TPRKB: variants seen among roughly 807,000 people sequenced by gnomAD.
The protein encoded by TPRKB is TP53RK binding protein.
Under a neutral mutation model 17.8 loss-of-function variants are expected in TPRKB, and 11 were observed. The ratio of observed to expected loss-of-function variants is 0.62; its 90% CI spans 0.39 to 1.02. The LOEUF is 1.02. Among genes scored for constraint, TPRKB ranks in the 50% least tolerant of loss-of-function variants. The pLI, the probability that TPRKB is intolerant of heterozygous loss-of-function variation, is 0.00. For synonymous variants in TPRKB, 71 were observed against 69.5 expected, an observed-to-expected ratio of 1.02 and a Z score of -0.11; for missense variants, 228 against 198.0, an observed-to-expected ratio of 1.15 and a Z score of -0.91.
Position 73,735,283 on chromosome 2 carries a change from G to C in TPRKB, c.-22-692C>G, listed in dbSNP as rs541042856. 4.6e-5 allele frequency among the ~76,000 whole-genome samples: 7 copies of C among 151,656 alleles called. No individual in the cohort carries two copies. In the South Asian group the frequency reaches 1.5e-3, roughly 32 times the overall value. On this transcript the variant is annotated intron_variant, in intron 1 of 4. Transcript: ENST00000272424. ...GGAGGCAGAGGTTGCAGTGAGCCGA[G>C]ATCATACCATTGCACCCCAGCCTGG...
chr2:73,731,463 C>G lies in TPRKB; in HGVS notation c.264+700G>C, dbSNP rs530396889. ...AAATTTTATTCCAGGTACTGGGAAT[C>G]TCTATTACCATGCTGAGATAACTGC... On this transcript the variant is annotated intron_variant, in intron 3 of 4. Transcript: ENST00000272424. Among the ~76,000 whole-genome samples, 24 of 152,304 alleles carry G rather than the reference C, an allele frequency of 1.6e-4. No homozygotes were observed. In the South Asian group the frequency reaches 4.8e-3, roughly 30 times the overall value.
chr2:73,734,439 T>A lies in TPRKB; in HGVS notation c.131A>T (p.Asn44Ile). The change falls in exon 2 of 5, where the codon AAT becomes ATT. Residue 44 changes from asparagine (N) to isoleucine (I), a missense_variant. Transcript: ENST00000272424. Reference protein sequence around the residue: ...MEGTIDGSLINPTVIVDPFQI... With the variant: ...MEGTIDGSLIIPTVIVDPFQI... The stretch of plus-strand genomic sequence containing the variant: ...AAAATTTATATTTACCACTGTAGGA[T>A]TTATCAGTGATCCATCGATGGTGCC... 6.2e-7 allele frequency: 1 copy of A among 1,612,420 alleles called. No homozygotes were observed. Among genetic ancestry groups the A allele is most frequent in the Non-Finnish European group, 8.5e-7 (1 of 1,179,542 alleles).
chr2:73,736,062 A>G (rs1451728018), intron 1 of TPRKB, among the ~76,000 whole-genome samples: 3 of 152,216 alleles, frequency 2.0e-5, no homozygotes, highest in Non-Finnish European at 2.9e-5. Flanking sequence ...GGGTTTTTTA[A>G]AAGGCTTTTA....
intron 2 of TPRKB, among the ~76,000 whole-genome samples, chr2:73,733,920 C>T (rs1369907915): frequency 1.4e-5 from 2 of 144,272 alleles, no homozygotes. Context: ...CAGGCTCAAG[C>T]GATTCTCCTG....
At chr2:73,735,754 T>C (rs548858719) in intron 1 of TPRKB, among the ~76,000 whole-genome samples, 81 of 152,366 alleles carry the variant, frequency 5.3e-4, no homozygotes, top group Non-Finnish European at 1.0e-3. Context: ...ATCAAATTCT[T>C]AATAAAATAT....
At chr2:73,734,022 G>T (rs1424791932) in intron 2 of TPRKB, among the ~76,000 whole-genome samples, 1 of 151,762 alleles carries the variant, frequency 6.6e-6, no homozygotes, top group African/African-American at 2.4e-5. Context: ...TGGCCAGGCT[G>T]GTCTCAAACT....
rs1245835138 is a variant in TPRKB, at chr2:73,730,649, T to G, written c.352A>C (p.Asn118His). 6.3e-7 allele frequency: 1 copy of G among 1,592,522 alleles called. No homozygotes were observed. The highest frequency in any genetic ancestry group is 1.8e-5 in the Admixed American group (1 of 55,034). The stretch of plus-strand genomic sequence containing the variant: ...ACTTGAGATATTAGGTATTCTTGAT[T>G]TATTTGTTTTTCTCCCTCTTCAATG... The part of the protein sequence containing the change: ...VYIEEGEKQI[N>H]QEYLISQVEG... Residue 118 changes from asparagine to histidine, a missense_variant, in exon 4 of 5, where the codon AAT (asparagine) becomes CAT (histidine). Transcript: ENST00000272424.
Position 73,734,543 on chromosome 2 carries a change from T to C in TPRKB, c.27A>G (p.Leu9=), listed in dbSNP as rs755067283. The stretch of plus-strand genomic sequence containing the variant: ...GAAGGGTTACCCTGCATTCGGGAAA[T>C]AGGTCCAGCTGATGTGTTAACTGCA... The part of the protein sequence containing the change: MQLTHQLD[L]FPECRVTLLL... Residue 9 remains leucine (L), a synonymous_variant, in exon 2 of 5, where the codon CTA becomes CTG. Coordinates refer to ENST00000272424, the MANE Select transcript of TPRKB (RefSeq NM_016058.5). 2 of 1,613,502 alleles carry C rather than the reference T, an allele frequency of 1.2e-6. No individual in the cohort carries two copies. The highest frequency in any genetic ancestry group is 1.7e-5 in the Admixed American group (1 of 59,840).
rs1481046248 is a variant in TPRKB at position 73,730,662 on chromosome 2, T to C, written c.339A>G (p.Gly113=). 1 of 1,590,522 alleles carries C rather than the reference T, an allele frequency of 6.3e-7. No individual in the cohort carries two copies. The highest frequency in any genetic ancestry group is 1.8e-5 in the Admixed American group (1 of 54,668). ...TSILIVYIEE[G]EKQINQEYLI... ...GGTATTCTTGATTTATTTGTTTTTC[T>C]CCCTCTTCAATGTAAACAATTAGAA... Residue 113 remains glycine, a synonymous_variant, in exon 4 of 5, where the codon GGA becomes GGG. Transcript: ENST00000272424.
At chr2:73,732,402 C>A in intron 2 of TPRKB, 117 bp from the exon 3 acceptor site, 1 of 1,182,356 alleles carries the variant, frequency 8.5e-7, no homozygotes, top group South Asian at 1.6e-5. Flanking sequence ...ACAATTCTTA[C>A]GGTCTGTATT....
intron 1 of TPRKB, among the ~76,000 whole-genome samples, chr2:73,736,991 C>T (rs1671915099): frequency 1.3e-5 from 2 of 152,200 alleles, no homozygotes; most frequent in Admixed American, 6.5e-5. Flanking sequence ...CTCCCTTCAA[C>T]TCCATTTGGA....
chr2:73,732,985 T>C (rs17009373), intron 2 of TPRKB, among the ~76,000 whole-genome samples: 3,033 of 152,282 alleles, frequency 0.02, 99 homozygotes, highest in African/African-American at 0.068. Context: ...AAAGAATGTC[T>C]GGGTTTGAAT....
Position 73,732,203 on chromosome 2 carries a change from A to G in TPRKB, c.224T>C (p.Leu75Pro), listed in dbSNP as rs1224304793. The G allele has an allele frequency of 1.2e-6, 2 of 1,613,902 alleles. No homozygotes were observed. The highest frequency in any genetic ancestry group is 1.7e-6 in the Non-Finnish European group (2 of 1,179,850). Reference protein sequence around the residue: ...YKLGKMKTRTLSTEIIFNLSP... With the variant: ...YKLGKMKTRTPSTEIIFNLSP... ...AAGGTTGAAAATAATTTCAGTAGAT[A>G]GAGTTCTTGTCTTCATTTTTCCCAG... The change falls in exon 3 of 5, where the codon CTA (leucine) becomes CCA (proline). Residue 75 changes from leucine to proline, a missense_variant. Transcript: ENST00000272424.
rs754393608 is a variant in TPRKB, at chr2:73,732,260, A to C, written c.167T>G (p.Val56Gly). 9.9e-6 allele frequency: 16 copies of C among 1,613,926 alleles called. No homozygotes were observed. In the South Asian group the frequency reaches 1.8e-4, roughly 18 times the overall value. Residue 56 changes from valine (V) to glycine (G), a missense_variant, in exon 3 of 5, where the codon GTG becomes GGG. Val to Gly is a moderately radical substitution (Grantham distance 109). Transcript: ENST00000272424. Reference sequence around the variant, plus strand: ...GAGGTGAACTGCTTTGTTTGCTGCCACAAGTATCTGAAATGGATCAACAAT... The same window carrying C: ...GAGGTGAACTGCTTTGTTTGCTGCCCCAAGTATCTGAAATGGATCAACAAT... ...TVIVDPFQIL[V>G]AANKAVHLYK...
At chr2:73,732,031 C>A in intron 3 of TPRKB, 132 bp downstream of exon 3, 1 of 1,026,052 alleles carries the variant, frequency 9.7e-7, no homozygotes, top group Non-Finnish European at 1.4e-6. Context: ...AACTCTCTGT[C>A]CAGAGCTCTC....
rs1302530126 is a variant in TPRKB, at chr2:73,733,244, CTGTTTTTT to C, written c.142-967_142-960del. Among the ~76,000 whole-genome samples the C allele has an allele frequency of 3.2e-4, 26 of 81,852 alleles. 1 individual carries two copies. Among genetic ancestry groups the C allele is most frequent in the South Asian group, 9.7e-4 (2 of 2,060 alleles). The allele number at this position is 81,852 out of a possible 152,430, so 53.7% of individuals were successfully genotyped here. A position where few individuals can be genotyped will look rare whatever the true frequency, so the allele number is the denominator to read the frequency against. ...GTAACATGATCGCACTGCGTGTGCC[CTGTTTTTT>C]TGTTTTTTTTTTTTTTTGGAGACAG... On this transcript the variant is annotated intron_variant, in intron 2 of 4. Transcript: ENST00000272424.
At chr2:73,731,953 G>C (rs1404836565) in intron 3 of TPRKB, 1 of 449,642 alleles carries the variant, frequency 2.2e-6, no homozygotes, top group African/African-American at 2.0e-5. Flanking sequence ...AATTAACCTC[G>C]CTTAATTTAG....
At chr2:73,730,814 C>T (rs1052160958) in intron 3 of TPRKB, 78 bp from the exon 4 acceptor site, 1 of 1,056,766 alleles carries the variant, frequency 9.5e-7, no homozygotes, top group Non-Finnish European at 1.3e-6. Flanking sequence ...TCCTGATCTG[C>T]CTTCTTCCTT....
At chr2:73,734,376 G>T in intron 2 of TPRKB, 53 bp downstream of exon 2, 1 of 1,565,448 alleles carries the variant, frequency 6.4e-7, no homozygotes, top group Admixed American at 1.9e-5. Context: ...TGGCATTACA[G>T]GCGTGAGCCA....
Sources: gnomAD v4.1 joint callset for allele counts (sites outside exome capture counted in the v4.1 genomes callset) on GRCh38, gnomAD v4.1.1 for gene constraint, MANE v1.5 for transcripts, NCBI Gene and HGNC (gene_info 2026-07-23, HGNC 2026-07-21) for gene names.